PCDHA5: variants seen among roughly 807,000 people sequenced by gnomAD.
PCDHA5 encodes the protein protocadherin alpha 5, also known as protocadherin alpha-5.
In PCDHA5, 43 loss-of-function variants were observed where a neutral mutation model predicts 61.6. That is an observed-to-expected ratio of 0.70 (90% confidence interval 0.55 to 0.90). The LOEUF (loss-of-function observed/expected upper bound fraction) is 0.90. Ranked by LOEUF, PCDHA5 falls within the 40% of genes least tolerant of loss-of-function variation. The pLI, the probability that PCDHA5 is intolerant of heterozygous loss-of-function variation, is 0.00. For missense variants in PCDHA5, 1,298 were observed against 1,222.7 expected (o/e 1.06, Z -0.92); for synonymous variants, 627 against 543.9 (o/e 1.15, Z -2.13).
intron 1 of PCDHA5, among the ~76,000 whole-genome samples, chr5:140,965,934 G>C (rs1186937423): frequency 6.6e-6 from 1 of 152,212 alleles, no homozygotes; most frequent in Non-Finnish European, 1.5e-5. Context: ...CTCCCGGAAA[G>C]AGGGCAGCAT....
At chr5:140,850,446 G>C in intron 1 of PCDHA5, 1 of 1,598,030 alleles carries the variant, frequency 6.3e-7, no homozygotes, top group South Asian at 1.1e-5. Context: ...ACTGGTGCTG[G>C]TGAAAGACCA....
At position 140,950,241 on chromosome 5, in the gene PCDHA5, G is replaced by A. The variant is rs191139851; in HGVS notation, c.2353-28708G>A. 3.8e-4 allele frequency among the ~76,000 whole-genome samples: 58 copies of A among 152,014 alleles called. 1 individual carries two copies. The highest frequency in any genetic ancestry group is 6.8e-3 in the Middle Eastern group (2 of 294). On this transcript the variant is annotated intron_variant, in intron 1 of 3. Coordinates refer to ENST00000529859, the MANE Select transcript of PCDHA5 (RefSeq NM_018908.3). The stretch of plus-strand genomic sequence containing the variant: ...TTACCATTTCTAGTGCCATTAATTT[G>A]TTCCTAAAGAGCTGAGTTTATCCAT...
intron 1 of PCDHA5, chr5:140,851,170 A>T: frequency 7.9e-7 from 1 of 1,265,740 alleles, no homozygotes; most frequent in Non-Finnish European, 1.0e-6. Flanking sequence ...ATGCTGCCAT[A>T]ACACTTGAAA....
intron 1 of PCDHA5, chr5:140,843,511 C>T: frequency 6.3e-7 from 1 of 1,595,668 alleles, no homozygotes; most frequent in Non-Finnish European, 8.6e-7. Context: ...CCACTGAGGG[C>T]GGGTGCCGGG....
intron 1 of PCDHA5, among the ~76,000 whole-genome samples, chr5:140,908,762 C>T (rs962553584): frequency 7.9e-5 from 12 of 152,104 alleles, no homozygotes; most frequent in Admixed American, 2.6e-4. Flanking sequence ...ACAGCCTGGA[C>T]GTGTTGTAGA....
intron 1 of PCDHA5, chr5:140,871,695 T>A: frequency 1.0e-6 from 1 of 974,906 alleles, no homozygotes; most frequent in Non-Finnish European, 1.5e-6. Context: ...CTGGCTTCTT[T>A]AACCAATAAA....
chr5:140,955,440 G>A (rs1332391978), intron 1 of PCDHA5, among the ~76,000 whole-genome samples: 3 of 152,022 alleles, frequency 2.0e-5, no homozygotes, highest in Admixed American at 2.0e-4. Context: ...TAGGTCTGAT[G>A]GTTTTATAAG....
chr5:140,997,831 A>G (rs938860065), intron 3 of PCDHA5, among the ~76,000 whole-genome samples: 3 of 152,210 alleles, frequency 2.0e-5, no homozygotes, highest in African/African-American at 4.8e-5. Context: ...TTTCTAAACA[A>G]TACAATATAC....
At chr5:140,844,621 A>C (rs1357757740) in intron 1 of PCDHA5, among the ~76,000 whole-genome samples, 5 of 149,558 alleles carry the variant, frequency 3.3e-5, no homozygotes, top group African/African-American at 9.8e-5. Context: ...TGTTTTCATC[A>C]GAAAAACTAT....
chr5:140,850,843 C>T, intron 1 of PCDHA5: 1 of 1,597,346 alleles, frequency 6.3e-7, no homozygotes, highest in African/African-American at 1.3e-5. Flanking sequence ...GCTGGATCTA[C>T]AGAGCGAACG....
intron 1 of PCDHA5, chr5:140,882,201 CT>C: frequency 6.5e-7 from 1 of 1,528,460 alleles, no homozygotes; most frequent in South Asian, 1.3e-5. Context: ...AAAATTGGGC[CT>C]TGAGAGACAG....
chr5:140,980,360 G>A (rs1173525969), intron 2 of PCDHA5, among the ~76,000 whole-genome samples: 4 of 152,142 alleles, frequency 2.6e-5, no homozygotes, highest in Middle Eastern at 3.2e-3. Context: ...GACTGGGCGC[G>A]GTGGCTCACA....
intron 1 of PCDHA5, among the ~76,000 whole-genome samples, chr5:140,958,355 C>A (rs2095420165): frequency 6.6e-6 from 1 of 152,064 alleles, no homozygotes; most frequent in Admixed American, 6.6e-5. Context: ...CACAGTCTGA[C>A]TTTATCAGGA....
intron 1 of PCDHA5, among the ~76,000 whole-genome samples, chr5:140,872,147 A>G (rs182622131): frequency 6.6e-6 from 1 of 152,118 alleles, no homozygotes; most frequent in East Asian, 1.9e-4. Flanking sequence ...CTCCATTAGT[A>G]TGACATGATT....
chr5:140,828,223 C>T (rs2150152540), intron 1 of PCDHA5: 1 of 1,613,996 alleles, frequency 6.2e-7, no homozygotes, highest in Non-Finnish European at 8.5e-7. Flanking sequence ...ACGGCACCTT[C>T]GTGGGCCGGA....
chr5:140,845,773 A>G lies in PCDHA5; in HGVS notation c.2352+21646A>G, dbSNP rs1780027224. Among the ~76,000 whole-genome samples, 2 of 149,724 alleles carry G rather than the reference A, an allele frequency of 1.3e-5. 1 individual carries two copies. Among genetic ancestry groups the G allele is most frequent in the Non-Finnish European group, 3.0e-5 (2 of 66,920 alleles). ...TTGTATCAAGTAAGTTAATAGTTAT[A>G]AATTATTAATAATAAACTCTGGCAA... On this transcript the variant is annotated intron_variant, in intron 1 of 3. Transcript: ENST00000529859.
Position 140,823,130 on chromosome 5 carries a change from C to T in PCDHA5, c.1355C>T (p.Pro452Leu), listed in dbSNP as rs2150122612. 6.2e-6 allele frequency: 10 copies of T among 1,613,888 alleles called. No individual in the cohort carries two copies. Among genetic ancestry groups the T allele is most frequent in the African/African-American group, 5.3e-5 (4 of 74,934 alleles). Reference sequence around the variant, plus strand: ...GTGGCCGACGTGAACGACAACGCTCCGGCGTTCGCGCAGCCCCAGTATACC... The same window carrying T: ...GTGGCCGACGTGAACGACAACGCTCTGGCGTTCGCGCAGCCCCAGTATACC... The part of the protein sequence containing the change: ...VEVADVNDNA[P>L]AFAQPQYTVF... The change falls in exon 1 of 4, where the codon CCG (proline) becomes CTG (leucine). Residue 452 changes from proline (P) to leucine (L), a missense_variant. Coordinates refer to ENST00000529859, the MANE Select transcript of PCDHA5 (RefSeq NM_018908.3).
intron 3 of PCDHA5, 111 bp downstream of exon 3, chr5:140,982,674 A>G (rs1399250735): frequency 3.4e-6 from 5 of 1,450,700 alleles, no homozygotes; most frequent in Admixed American, 2.7e-5. Context: ...TATTTTTGTT[A>G]TTCCCTTTTT....
Position 141,011,614 on chromosome 5 carries a change from T to C in PCDHA5, c.*1677T>C, listed in dbSNP as rs1268321894. On this transcript the variant is annotated 3_prime_UTR_variant, in exon 4 of 4. Transcript: ENST00000529859. ...GTGATTCAAGGAATTTTATTTATGG[T>C]CCAGCCAAGAGCCATCTCGTGCCAA... 5 of 153,774 alleles carry C rather than the reference T, an allele frequency of 3.3e-5. No individual in the cohort carries two copies. Among genetic ancestry groups the C allele is most frequent in the African/African-American group, 1.2e-4 (5 of 41,460 alleles). 9.5% of individuals were successfully genotyped at this position (153,774 alleles called of 1,614,324 possible). A position where few individuals can be genotyped will look rare whatever the true frequency, so the allele number is the denominator to read the frequency against.
Sources: allele counts gnomAD v4.1 joint callset (sites outside exome capture counted in the v4.1 genomes callset), GRCh38; gene constraint gnomAD v4.1.1; transcripts MANE v1.5; gene names NCBI Gene and HGNC (gene_info 2026-07-23, HGNC 2026-07-21).